Variants in TRIP12 observed in about 807,000 individuals in gnomAD.
The protein encoded by TRIP12 is E3 ubiquitin-protein ligase TRIP12.
In TRIP12, 25 loss-of-function variants were observed where a neutral mutation model predicts 244.2. That is an observed-to-expected ratio of 0.10 (90% CI 0.07 to 0.14). The LOEUF (loss-of-function observed/expected upper bound fraction) is 0.14. Ranked by LOEUF, TRIP12 falls within the 10% of genes least tolerant of loss-of-function variation. TRIP12 has a pLI of 1.00. For missense variants in TRIP12, 1,677 were observed against 2,486.4 expected, an observed-to-expected ratio of 0.67 and a Z score of 6.92; for synonymous variants, 905 against 873.1, an observed-to-expected ratio of 1.04 and a Z score of -0.64.
chr2:229,916,543 G>C (rs1445325203), intron 1 of TRIP12, among the ~76,000 whole-genome samples: 1 of 151,928 alleles, frequency 6.6e-6, no homozygotes, highest in Non-Finnish European at 1.5e-5. Context: ...TGACAAAAGT[G>C]AGACTCTGTC....
intron 4 of TRIP12, among the ~76,000 whole-genome samples, chr2:229,850,678 G>A (rs1044919758): frequency 2.0e-5 from 3 of 152,244 alleles, no homozygotes; most frequent in African/African-American, 7.2e-5. Context: ...GGCTGGCCAA[G>A]GCCAGAGCCC....
At chr2:229,801,863 A>G (rs1178337466) in intron 21 of TRIP12, among the ~76,000 whole-genome samples, 1 of 152,150 alleles carries the variant, frequency 6.6e-6, no homozygotes, top group Non-Finnish European at 1.5e-5. Flanking sequence ...AACTGTATTA[A>G]TATCTGGATG....
rs1189952490 is a variant in TRIP12, at chr2:229,767,305, A to C, written c.*249T>G. The C allele has an allele frequency of 2.7e-6, 1 of 373,878 alleles. No individual in the cohort carries two copies. Among genetic ancestry groups the C allele is most frequent in the Non-Finnish European group, 4.7e-6 (1 of 212,316 alleles). 23.2% of individuals were successfully genotyped at this position (373,878 alleles called of 1,614,324 possible). ...AAGCATGTTAAAAACTTCACTCATC[A>C]AATAAATGATAATTTAAACAAGAAC... On this transcript the variant is annotated 3_prime_UTR_variant, in exon 42 of 42. Transcript: ENST00000675903.
At position 229,917,380 on chromosome 2, in the gene TRIP12, C is replaced by CAAAAAAAAAAAAAAAAAAAAAAA. The variant is rs60397605; in HGVS notation, c.-50+4477_-50+4499dup. On this transcript the variant is annotated intron_variant, in intron 1 of 41. Coordinates refer to ENST00000675903, the MANE Select transcript of TRIP12 (RefSeq NM_001348323.3). The stretch of plus-strand genomic sequence containing the variant: ...TGGGCAACAGAGCGAGACTCTGTCT[C>CAAAAAAAAAAAAAAAAAAAAAAA]AAAAAAAAAAAAAAAAAAAAAAAAA... Among the ~76,000 whole-genome samples, 9 of 29,260 alleles carry CAAAAAAAAAAAAAAAAAAAAAAA rather than the reference C, an allele frequency of 3.1e-4. 1 individual carries two copies. The highest frequency in any genetic ancestry group is 3.0e-4 in the Non-Finnish European group (5 of 16,780). 19.2% of individuals were successfully genotyped at this position (29,260 alleles called of 152,430 possible).
intron 4 of TRIP12, 71 bp from the exon 5 acceptor site, chr2:229,840,998 T>C (rs2056296338): frequency 3.5e-6 from 4 of 1,156,080 alleles, no homozygotes; most frequent in Non-Finnish European, 4.9e-6. Flanking sequence ...TATAAAATTC[T>C]TCAGGTCATC....
At chr2:229,849,802 A>G (rs1043138640) in intron 4 of TRIP12, among the ~76,000 whole-genome samples, 17 of 152,090 alleles carry the variant, frequency 1.1e-4, no homozygotes, top group African/African-American at 3.9e-4. Context: ...GAATCTTTTG[A>G]GATCAAGGCT....
intron 33 of TRIP12, among the ~76,000 whole-genome samples, chr2:229,787,184 T>C (rs1278013796): frequency 6.6e-6 from 1 of 152,224 alleles, no homozygotes; most frequent in African/African-American, 2.4e-5. Context: ...AGGAGATAGT[T>C]TGAACTCCTA....
chr2:229,862,343 G>C (rs2060609650), intron 2 of TRIP12, among the ~76,000 whole-genome samples: 2 of 151,990 alleles, frequency 1.3e-5, no homozygotes, highest in African/African-American at 4.8e-5. Context: ...CTTCAGAAAT[G>C]AGACTATTTT....
chr2:229,898,947 C>T (rs947107847), intron 1 of TRIP12, among the ~76,000 whole-genome samples: 1 of 152,228 alleles, frequency 6.6e-6, no homozygotes, highest in Non-Finnish European at 1.5e-5. Flanking sequence ...AAACGTTCCT[C>T]CAACCTTGGC....
chr2:229,791,774 T>C, intron 29 of TRIP12, 92 bp downstream of exon 29: 5 of 1,402,146 alleles, frequency 3.6e-6, no homozygotes, highest in East Asian at 2.3e-5. Flanking sequence ...CCTATCCTTA[T>C]GAAAGCCAGC....
At chr2:229,844,098 T>C (rs368529364) in intron 4 of TRIP12, among the ~76,000 whole-genome samples, 22 of 152,206 alleles carry the variant, frequency 1.4e-4, no homozygotes, top group African/African-American at 5.3e-4. Flanking sequence ...TAAAACAACA[T>C]TGTAAGAGAA....
At chr2:229,790,543 G>A (rs961418824) in intron 30 of TRIP12, among the ~76,000 whole-genome samples, 10 of 151,994 alleles carry the variant, frequency 6.6e-5, no homozygotes, top group South Asian at 2.1e-4. Context: ...CAGGGGGAGG[G>A]GGGGGTGTCC....
intron 4 of TRIP12, among the ~76,000 whole-genome samples, chr2:229,854,313 A>T (rs1282686303): frequency 6.6e-6 from 1 of 152,232 alleles, no homozygotes; most frequent in Non-Finnish European, 1.5e-5. Context: ...AAAACTTTAA[A>T]TCTGGTGTTC....
intron 30 of TRIP12, 39 bp from the exon 31 acceptor site, chr2:229,789,801 TAGAA>T (rs753450975): frequency 1.5e-5 from 24 of 1,610,106 alleles, no homozygotes; most frequent in Non-Finnish European, 2.0e-5. Context: ...TGATCAAAGT[TAGAA>T]AGGCTAAGCC....
chr2:229,900,408 T>C (rs868530769), intron 1 of TRIP12, among the ~76,000 whole-genome samples: 6 of 152,310 alleles, frequency 3.9e-5, no homozygotes, highest in Middle Eastern at 3.4e-3. Flanking sequence ...AAATAGTAAA[T>C]TGAAATTGCC....
intron 1 of TRIP12, among the ~76,000 whole-genome samples, chr2:229,897,751 T>C (rs1024406254): frequency 1.3e-5 from 2 of 152,230 alleles, no homozygotes; most frequent in African/African-American, 4.8e-5. Flanking sequence ...CCATGGCACT[T>C]TGCAAACTTA....
In TRIP12 at chr2:229,804,205, C is replaced by T. The variant is rs776341102; in HGVS notation, c.2673G>A (p.Lys891=). The T allele has an allele frequency of 3.7e-5, 60 of 1,613,236 alleles. No homozygotes were observed. Among genetic ancestry groups the T allele is most frequent in the Non-Finnish European group, 5.0e-5 (59 of 1,179,758 alleles). The change falls in exon 19 of 42, where the codon AAG becomes AAA. Residue 891 remains lysine, a synonymous_variant. Coordinates refer to ENST00000675903, the MANE Select transcript of TRIP12 (RefSeq NM_001348323.3). ...SNTSGYSESK[K]DDARAQLMKE... is the part of the protein sequence containing the mutation. ...TCATAAGCTGTGCTCGAGCATCATC[C>T]TTCTTTGACTCTGAATATCCACCTA... is the stretch of plus-strand genomic sequence containing the variant.
Position 229,765,947 on chromosome 2 carries a change from G to A in TRIP12, c.*1607C>T, listed in dbSNP as rs772402952. Reference sequence around the variant, plus strand: ...ACTGCCCAAGTGAACTCTCAGGAGGGGACATTTCCATATAAGGCCATTTAA... The same window carrying A: ...ACTGCCCAAGTGAACTCTCAGGAGGAGACATTTCCATATAAGGCCATTTAA... On this transcript the variant is annotated 3_prime_UTR_variant, in exon 42 of 42. Transcript: ENST00000675903. The A allele has an allele frequency of 2.0e-5, 3 of 152,030 alleles. No homozygotes were observed. Among genetic ancestry groups the A allele is most frequent in the African/African-American group, 7.2e-5 (3 of 41,402 alleles). 9.4% of individuals were successfully genotyped at this position (152,030 alleles called of 1,614,324 possible). A position where few individuals can be genotyped will look rare whatever the true frequency, so the allele number is the denominator to read the frequency against.
intron 1 of TRIP12, among the ~76,000 whole-genome samples, chr2:229,910,871 T>C (rs60743625): frequency 0.015 from 2,302 of 152,278 alleles, 50 homozygotes; most frequent in African/African-American, 0.053. Context: ...TAATGACAGT[T>C]GAGAAATAAT....
Sources: gnomAD v4.1 joint callset for allele counts (sites outside exome capture counted in the v4.1 genomes callset) on GRCh38, gnomAD v4.1.1 for gene constraint, MANE v1.5 for transcripts, NCBI Gene and HGNC (gene_info 2026-07-23, HGNC 2026-07-21) for gene names.